Variants in TAGLN3 observed in about 807,000 individuals in gnomAD.
The protein encoded by TAGLN3 is transgelin 3.
A neutral mutation model predicts 25.4 loss-of-function variants in TAGLN3; 12 were observed. That is an observed-to-expected ratio of 0.47 (90% CI 0.30 to 0.77). The LOEUF is 0.77. Ranked by LOEUF, TAGLN3 falls within the 30% of genes least tolerant of loss-of-function variation. TAGLN3 has a pLI of 0.06. For synonymous variants in TAGLN3, 96 were observed against 94.8 expected, an observed-to-expected ratio of 1.01 and a Z score of -0.08; for missense variants, 218 against 255.8, an observed-to-expected ratio of 0.85 and a Z score of 1.01.
chr3:112,010,456 A>G (rs975856689), intron 3 of TAGLN3, among the ~76,000 whole-genome samples: 22 of 152,164 alleles, frequency 1.4e-4, no homozygotes, highest in African/African-American at 5.3e-4. Context: ...TATCATTACT[A>G]CATTTATATT....
At chr3:111,999,394 GC>G in intron 1 of TAGLN3, 26 bp from the exon 2 acceptor site, 1 of 1,608,758 alleles carries the variant, frequency 6.2e-7, no homozygotes, top group Non-Finnish European at 8.5e-7. Context: ...TTGTGTGGAT[GC>G]CGCGCGTGTC....
intron 3 of TAGLN3, 93 bp from the exon 4 acceptor site, chr3:112,011,670 A>G (rs749649300): frequency 4.9e-6 from 6 of 1,226,496 alleles, no homozygotes; most frequent in Non-Finnish European, 6.8e-6. Context: ...GCAGCCTTCT[A>G]TCAGAACTTC....
chr3:112,005,698 T>C (rs1031886475), intron 3 of TAGLN3, among the ~76,000 whole-genome samples: 194 of 17,140 alleles, frequency 0.011, 1 homozygote, highest in Non-Finnish European at 0.04. Flanking sequence ...ATTTTCTTTT[T>C]TTTCTTTTTT....
intron 3 of TAGLN3, among the ~76,000 whole-genome samples, chr3:112,002,642 G>GT (rs1399269410): frequency 9.6e-6 from 1 of 104,012 alleles, no homozygotes; most frequent in East Asian, 3.1e-4. Flanking sequence ...ACCCGGGTGA[G>GT]TCCCCCCCCC....
At chr3:112,004,070 A>C (rs1416666782) in intron 3 of TAGLN3, among the ~76,000 whole-genome samples, 1 of 152,218 alleles carries the variant, frequency 6.6e-6, no homozygotes, top group Non-Finnish European at 1.5e-5. Flanking sequence ...AAAACAACAC[A>C]ATCACAGGGA....
At chr3:111,999,644 G>C (rs922741612) in intron 2 of TAGLN3, 42 bp downstream of exon 2, 1 of 1,603,158 alleles carries the variant, frequency 6.2e-7, no homozygotes, top group African/African-American at 1.3e-5. Flanking sequence ...CGGTGGGCAG[G>C]GAAACCCTCC....
chr3:112,006,424 G>A (rs2072918329), intron 3 of TAGLN3, among the ~76,000 whole-genome samples: 1 of 152,166 alleles, frequency 6.6e-6, no homozygotes, highest in Non-Finnish European at 1.5e-5. Context: ...TTTCTCCCTT[G>A]ACTGTTGCAA....
intron 3 of TAGLN3, among the ~76,000 whole-genome samples, chr3:112,005,906 G>C (rs1215310615): frequency 6.6e-6 from 1 of 151,204 alleles, no homozygotes; most frequent in South Asian, 2.1e-4. Flanking sequence ...GTTTCACTGA[G>C]TTAGCCAGGA....
chr3:112,011,919 G>C, intron 4 of TAGLN3, 54 bp downstream of exon 4: 2 of 1,551,064 alleles, frequency 1.3e-6, no homozygotes, highest in Non-Finnish European at 1.8e-6. Context: ...ACCAGAGGGA[G>C]GGTCTGAAGC....
At chr3:112,013,289 C>G in intron 4 of TAGLN3, 121 bp from the exon 5 acceptor site, 1 of 1,302,336 alleles carries the variant, frequency 7.7e-7, no homozygotes, top group Non-Finnish European at 1.0e-6. Context: ...ATAACCACAG[C>G]TCAGGGTAGG....
intron 1 of TAGLN3, 26 bp from the exon 2 acceptor site, chr3:111,999,395 C>A (rs1192388665): frequency 6.2e-7 from 1 of 1,608,644 alleles, no homozygotes; most frequent in Non-Finnish European, 8.5e-7. Context: ...TGTGTGGATG[C>A]CGCGCGTGTC....
At chr3:112,011,896 C>T in intron 4 of TAGLN3, 31 bp downstream of exon 4, 2 of 1,602,070 alleles carry the variant, frequency 1.2e-6, no homozygotes, top group Admixed American at 1.7e-5. Context: ...CCCTGGACCA[C>T]AAGGCGATTT....
At position 112,000,939 on chromosome 3, in the gene TAGLN3, A is replaced by G. The variant is rs2292583; in HGVS notation, c.348A>G (p.Leu116=). 5.0e-6 allele frequency: 8 copies of G among 1,613,626 alleles called. No individual in the cohort carries two copies. In the East Asian group the frequency reaches 6.7e-5, roughly 13 times the overall value. ...CCGACATCTTTCAGACGGTGGATCT[A>G]TGGGAAGGTAAACAGCCCCCTGGCC... ...RTTDIFQTVD[L]WEGKDMAAVQ... The change falls in exon 3 of 5, where the codon CTA becomes CTG. Residue 116 remains leucine (L), a synonymous_variant. Coordinates refer to ENST00000478951, the MANE Select transcript of TAGLN3 (RefSeq NM_001008272.2).
chr3:112,009,897 T>C (rs1167584946), intron 3 of TAGLN3, among the ~76,000 whole-genome samples: 1 of 152,002 alleles, frequency 6.6e-6, no homozygotes, highest in Non-Finnish European at 1.5e-5. Context: ...CCTGGATATC[T>C]TATCTTAGCC....
rs113825325 is a variant in TAGLN3, at chr3:112,006,055, G to A, written c.355+5109G>A. Among the ~76,000 whole-genome samples, 207 of 152,136 alleles carry A rather than the reference G, an allele frequency of 1.4e-3. 1 individual carries two copies. Among genetic ancestry groups the A allele is most frequent in the African/African-American group, 4.4e-3 (183 of 41,496 alleles). ...ATTACAGGCGTGAGCCACCGCGCCT[G>A]GCCTGGAAGCCTCATTTTCTATCAG... On this transcript the variant is annotated intron_variant, in intron 3 of 4. Transcript: ENST00000478951.
intron 3 of TAGLN3, among the ~76,000 whole-genome samples, chr3:112,007,168 C>T (rs1352770694): frequency 2.0e-5 from 3 of 152,142 alleles, no homozygotes; most frequent in Admixed American, 6.5e-5. Flanking sequence ...GCCCTCTCTC[C>T]CCCACAAATG....
chr3:112,005,445 C>T (rs1387836409), intron 3 of TAGLN3, among the ~76,000 whole-genome samples: 4 of 152,158 alleles, frequency 2.6e-5, no homozygotes, highest in East Asian at 1.9e-4. Context: ...GGTATGGATC[C>T]TGAACACATG....
chr3:112,003,631 T>A (rs1384818800), intron 3 of TAGLN3, among the ~76,000 whole-genome samples: 1 of 152,228 alleles, frequency 6.6e-6, no homozygotes, highest in Non-Finnish European at 1.5e-5. Context: ...ACTGTGGTTT[T>A]AATGCTGTCC....
chr3:112,009,630 T>C (rs1263335439), intron 3 of TAGLN3, among the ~76,000 whole-genome samples: 1 of 152,222 alleles, frequency 6.6e-6, no homozygotes, highest in African/African-American at 2.4e-5. Flanking sequence ...GGCATGTTAA[T>C]TAACCTCTTT....
Sources: allele counts gnomAD v4.1 joint callset (sites outside exome capture counted in the v4.1 genomes callset), GRCh38; gene constraint gnomAD v4.1.1; transcripts MANE v1.5; gene names NCBI Gene and HGNC (gene_info 2026-07-23, HGNC 2026-07-21).